HECW2: variants seen among roughly 807,000 people sequenced by gnomAD.
The protein encoded by HECW2 is HECT, C2 and WW domain containing E3 ubiquitin protein ligase 2.
Under a neutral mutation model 175.2 loss-of-function variants are expected in HECW2, and 61 were observed. The ratio of observed to expected loss-of-function variants is 0.35; its 90% CI spans 0.28 to 0.43. The LOEUF (loss-of-function observed/expected upper bound fraction) is 0.43. Ranked by LOEUF, HECW2 falls within the 20% of genes least tolerant of loss-of-function variation. The pLI is 1.00. For synonymous variants in HECW2, 671 were observed against 731.0 expected (o/e 0.92, Z 1.32); for missense variants, 1,524 against 2,000.5 (o/e 0.76, Z 4.54).
chr2:196,588,930 G>A (rs563374397), intron 1 of HECW2, among the ~76,000 whole-genome samples: 6 of 152,202 alleles, frequency 3.9e-5, no homozygotes, highest in Admixed American at 6.5e-5. Context: ...GGCCGGTCAC[G>A]GTGGCTCACA....
intron 13 of HECW2, among the ~76,000 whole-genome samples, chr2:196,301,396 G>A (rs59994702): frequency 0.33 from 50,113 of 151,938 alleles, 8,746 homozygotes; most frequent in African/African-American, 0.42. Flanking sequence ...TATAACCAGT[G>A]ATGGGATTGC....
chr2:196,287,434 C>T (rs890185963), intron 14 of HECW2, among the ~76,000 whole-genome samples: 1 of 151,904 alleles, frequency 6.6e-6, no homozygotes, highest in African/African-American at 2.4e-5. Flanking sequence ...TTGATTTAGG[C>T]CCAAAGAGAA....
intron 1 of HECW2, among the ~76,000 whole-genome samples, chr2:196,564,520 G>T (rs75811062): frequency 0.013 from 1,909 of 152,218 alleles, 40 homozygotes; most frequent in African/African-American, 0.044. Context: ...ATTTTTAAAA[G>T]CTTTCTAAAT....
intron 6 of HECW2, among the ~76,000 whole-genome samples, chr2:196,323,640 ATAGC>A (rs551485530): frequency 1.9e-3 from 284 of 152,352 alleles, no homozygotes; most frequent in African/African-American, 6.3e-3. Flanking sequence ...CTGTCTCTGA[ATAGC>A]TAGTCCCATA....
intron 2 of HECW2, among the ~76,000 whole-genome samples, chr2:196,395,507 TCAA>T (rs1694634945): frequency 6.6e-6 from 1 of 152,062 alleles, no homozygotes; most frequent in Admixed American, 6.5e-5. Context: ...CTCCTACAAC[TCAA>T]CAACGACAAC....
intron 28 of HECW2, among the ~76,000 whole-genome samples, chr2:196,205,897 T>C (rs1463116042): frequency 6.6e-6 from 1 of 152,142 alleles, no homozygotes; most frequent in Admixed American, 6.5e-5. Flanking sequence ...AAACTCCTTA[T>C]AAACAAGACA....
intron 28 of HECW2, among the ~76,000 whole-genome samples, chr2:196,201,884 AGAGTC>A (rs1686870752): frequency 6.6e-6 from 1 of 152,214 alleles, no homozygotes; most frequent in South Asian, 2.1e-4. Context: ...CTCATGGCTT[AGAGTC>A]TTGGGAAATT....
intron 1 of HECW2, among the ~76,000 whole-genome samples, chr2:196,445,150 A>T (rs1696147914): frequency 6.6e-6 from 1 of 152,210 alleles, no homozygotes; most frequent in Non-Finnish European, 1.5e-5. Context: ...TCTAATTATG[A>T]AGATTCATGT....
intron 2 of HECW2, among the ~76,000 whole-genome samples, chr2:196,403,775 A>C (rs1302249524): frequency 6.6e-6 from 1 of 152,252 alleles, no homozygotes; most frequent in Non-Finnish European, 1.5e-5. Flanking sequence ...CTCATGTAAC[A>C]GATCCTCAGA....
Position 196,201,074 on chromosome 2 carries a change from C to G in HECW2, c.*203G>C. On this transcript the variant is annotated 3_prime_UTR_variant, in exon 29 of 29. Transcript: ENST00000644978. The stretch of plus-strand genomic sequence containing the variant: ...GATTGAAAGACGGTTGGGTTGTTCC[C>G]TGGGCATCAAGCTCACCCAAATCCT... 1 of 522,818 alleles carries G rather than the reference C, an allele frequency of 1.9e-6. No individual in the cohort carries two copies. The highest frequency in any genetic ancestry group is 3.5e-6 in the Non-Finnish European group (1 of 286,504). 32.4% of individuals were successfully genotyped at this position (522,818 alleles called of 1,614,324 possible). A position where few individuals can be genotyped will look rare whatever the true frequency, so the allele number is the denominator to read the frequency against.
chr2:196,410,564 C>A (rs1281838790), intron 2 of HECW2, among the ~76,000 whole-genome samples: 1 of 152,052 alleles, frequency 6.6e-6, no homozygotes, highest in Non-Finnish European at 1.5e-5. Flanking sequence ...CCATTGAAAA[C>A]AATTCTTAAA....
chr2:196,553,117 A>C (rs1425647688), intron 1 of HECW2, among the ~76,000 whole-genome samples: 1 of 152,256 alleles, frequency 6.6e-6, no homozygotes, highest in Non-Finnish European at 1.5e-5. Flanking sequence ...TAGGAATCAA[A>C]TTTAAATGAG....
chr2:196,521,981 C>A (rs1226216340), intron 1 of HECW2, among the ~76,000 whole-genome samples: 1 of 152,074 alleles, frequency 6.6e-6, no homozygotes, highest in Non-Finnish European at 1.5e-5. Flanking sequence ...GATTTATAGT[C>A]CTTTGGGTAT....
At chr2:196,425,792 C>CA (rs1387609816) in intron 2 of HECW2, among the ~76,000 whole-genome samples, 1 of 151,598 alleles carries the variant, frequency 6.6e-6, no homozygotes, top group African/African-American at 2.4e-5. Context: ...ATTACAACAA[C>CA]AAAAAAAATT....
intron 2 of HECW2, among the ~76,000 whole-genome samples, chr2:196,390,112 T>A (rs1441384972): frequency 6.6e-6 from 1 of 152,182 alleles, no homozygotes; most frequent in Non-Finnish European, 1.5e-5. Context: ...TATATTATAT[T>A]TATTATCTCA....
At chr2:196,524,262 G>A (rs1240344916) in intron 1 of HECW2, among the ~76,000 whole-genome samples, 11 of 131,430 alleles carry the variant, frequency 8.4e-5, no homozygotes, top group South Asian at 7.5e-4. Flanking sequence ...GTTTATTTGC[G>A]TAGAGGTGTT....
At chr2:196,407,279 T>A (rs1694990791) in intron 2 of HECW2, among the ~76,000 whole-genome samples, 1 of 151,720 alleles carries the variant, frequency 6.6e-6, no homozygotes, top group East Asian at 1.9e-4. Context: ...ACTCAGGTGA[T>A]CCTCCCACCT....
intron 4 of HECW2, among the ~76,000 whole-genome samples, chr2:196,331,971 G>A (rs1306515737): frequency 1.3e-5 from 2 of 152,218 alleles, no homozygotes; most frequent in Non-Finnish European, 1.5e-5. Context: ...ACATGGTAGT[G>A]AGTAATGGCA....
At position 196,463,165 on chromosome 2, in the gene HECW2, G is replaced by C. The variant is rs1450807550; in HGVS notation, c.-35-29707C>G. On this transcript the variant is annotated intron_variant, in intron 1 of 28. Transcript: ENST00000644978. ...ACCCTGTTGGGTGTATAACAGAAGG[G>C]GTGTCTCAACCTCTTTCACATGAGA... 7.2e-5 allele frequency among the ~76,000 whole-genome samples: 11 copies of C among 152,064 alleles called. No individual in the cohort carries two copies. In the East Asian group the frequency reaches 2.1e-3, roughly 29 times the overall value.
Sources: gnomAD v4.1 joint callset for allele counts (sites outside exome capture counted in the v4.1 genomes callset) on GRCh38, gnomAD v4.1.1 for gene constraint, MANE v1.5 for transcripts, NCBI Gene and HGNC (gene_info 2026-07-23, HGNC 2026-07-21) for gene names.